The following BCL2L13 variants were observed in gnomAD, a reference collection of about 807,000 sequenced individuals.
BCL2L13 encodes BCL2 like 13.
Under a neutral mutation model 25.8 loss-of-function variants are expected in BCL2L13, and 13 were observed. That is an observed-to-expected ratio of 0.50 (90% CI 0.33 to 0.80). BCL2L13 has a LOEUF of 0.80. Among genes scored for constraint, BCL2L13 ranks in the 30% least tolerant of loss-of-function variants. BCL2L13 has a pLI of 0.02. For missense variants in BCL2L13, 504 were observed against 574.9 expected (o/e 0.88, Z 1.26); for synonymous variants, 244 against 230.3 (o/e 1.06, Z -0.54).
intron 2 of BCL2L13, among the ~76,000 whole-genome samples, chr22:17,673,225 C>T: frequency 6.6e-6 from 1 of 152,082 alleles, no homozygotes; most frequent in Non-Finnish European, 1.5e-5. Flanking sequence ...AGGTCTTATT[C>T]TTTCCATTCC....
intron 6 of BCL2L13, among the ~76,000 whole-genome samples, chr22:17,711,972 G>A (rs1016325157): frequency 6.6e-6 from 1 of 151,646 alleles, no homozygotes; most frequent in East Asian, 1.9e-4. Context: ...TATGTTCCTT[G>A]TCTCCAGGTA....
intron 1 of BCL2L13, among the ~76,000 whole-genome samples, chr22:17,646,108 C>A (rs1023171873): frequency 6.6e-6 from 1 of 151,430 alleles, no homozygotes; most frequent in Non-Finnish European, 1.5e-5. Flanking sequence ...ATCCTGGAAC[C>A]AATCCCACAT....
At chr22:17,667,372 T>C (rs891415074) in intron 2 of BCL2L13, among the ~76,000 whole-genome samples, 1 of 152,048 alleles carries the variant, frequency 6.6e-6, no homozygotes, top group African/African-American at 2.4e-5. Flanking sequence ...GGTTTCGCCA[T>C]GTTGGTCAGG....
intron 2 of BCL2L13, among the ~76,000 whole-genome samples, chr22:17,658,839 ACAAGGTCAGAAGTT>A (rs889477795): frequency 6.6e-6 from 1 of 151,146 alleles, no homozygotes; most frequent in Non-Finnish European, 1.5e-5. Context: ...CAGTTCACTC[ACAAGGTCAGAAGTT>A]CAAGACCAGC....
chr22:17,628,974 T>G (rs1016279039), exon 1 of BCL2L13: 13 of 392,852 alleles, frequency 3.3e-5, no homozygotes, highest in African/African-American at 1.8e-4. Context: ...CTATCTGAAA[T>G]TAGTCGGGCT....
chr22:17,663,435 A>G (rs1472094368), intron 2 of BCL2L13, among the ~76,000 whole-genome samples: 3 of 152,194 alleles, frequency 2.0e-5, no homozygotes, highest in Non-Finnish European at 4.4e-5. Context: ...CAAAATGACT[A>G]AAAGGTCATA....
At chr22:17,691,732 C>G (rs995362037) in intron 4 of BCL2L13, among the ~76,000 whole-genome samples, 1 of 152,102 alleles carries the variant, frequency 6.6e-6, no homozygotes, top group African/African-American at 2.4e-5. Context: ...TTTCAGTTCT[C>G]CATGTGTTAA....
intron 6 of BCL2L13, chr22:17,706,743 C>A (rs755278199): frequency 1.5e-6 from 2 of 1,351,948 alleles, no homozygotes; most frequent in Non-Finnish European, 2.0e-6. Context: ...CCTCCCTCCT[C>A]ATTCTCTTTT....
chr22:17,715,626 T>TA (rs1362037844), intron 6 of BCL2L13, among the ~76,000 whole-genome samples: 1 of 152,022 alleles, frequency 6.6e-6, no homozygotes. Context: ...TCCAGGAGCT[T>TA]AGAGTTATAA....
At chr22:17,709,071 T>TA (rs1333833778) in intron 6 of BCL2L13, among the ~76,000 whole-genome samples, 1 of 151,178 alleles carries the variant, frequency 6.6e-6, no homozygotes, top group Non-Finnish European at 1.5e-5. Flanking sequence ...CCGTCTCTAC[T>TA]AAAAAATACA....
At chr22:17,705,967 A>G (rs570353260) in intron 6 of BCL2L13, among the ~76,000 whole-genome samples, 2 of 152,334 alleles carry the variant, frequency 1.3e-5, no homozygotes, top group East Asian at 1.9e-4. Context: ...CTTTGGACAT[A>G]TAGATTTGAA....
At chr22:17,681,450 G>A (rs550072615) in intron 2 of BCL2L13, among the ~76,000 whole-genome samples, 29 of 151,824 alleles carry the variant, frequency 1.9e-4, no homozygotes, top group African/African-American at 5.8e-4. Context: ...AGTGAGCAGA[G>A]CTTGCGCCAC....
At chr22:17,720,070 T>G (rs1303210094) in intron 6 of BCL2L13, among the ~76,000 whole-genome samples, 1 of 151,978 alleles carries the variant, frequency 6.6e-6, no homozygotes, top group Non-Finnish European at 1.5e-5. Flanking sequence ...TGATGGAAAT[T>G]TTCTGGCAAT....
At chr22:17,697,268 G>A (rs1169770831) in intron 5 of BCL2L13, among the ~76,000 whole-genome samples, 2 of 152,024 alleles carry the variant, frequency 1.3e-5, no homozygotes, top group African/African-American at 2.4e-5. Flanking sequence ...GAGAATCGCC[G>A]TCTCTACTAA....
rs933526163 is a variant in BCL2L13 at position 17,727,104 on chromosome 22, C to T, written c.1028C>T (p.Ala343Val). The change falls in exon 7 of 7, where the codon GCT (alanine) becomes GTT (valine). Residue 343 changes from alanine to valine, a missense_variant. Physicochemically the swap from Ala to Val is moderately conservative, Grantham distance 64. Transcript: ENST00000317582. ...CAAGAGGCACTTCCTGAAGCCCCAG[C>T]TCCCTTGCTTCCACATATCACTGCC... The part of the protein sequence containing the change: ...ELQEALPEAP[A>V]PLLPHITATS... 6.2e-7 allele frequency: 1 copy of T among 1,614,242 alleles called. No individual in the cohort carries two copies. The highest frequency in any genetic ancestry group is 1.3e-5 in the African/African-American group (1 of 75,062).
At chr22:17,703,358 A>G (rs985565288) in intron 6 of BCL2L13, 5 of 152,180 alleles carry the variant, frequency 3.3e-5, no homozygotes, top group Non-Finnish European at 7.3e-5. Flanking sequence ...ATTATTTACT[A>G]AGAGAGACAT....
intron 1 of BCL2L13, among the ~76,000 whole-genome samples, chr22:17,639,304 C>A (rs538839290): frequency 6.6e-6 from 1 of 152,344 alleles, no homozygotes; most frequent in East Asian, 1.9e-4. Context: ...GGAAGATTAG[C>A]TTTGCCAGTC....
intron 4 of BCL2L13, among the ~76,000 whole-genome samples, chr22:17,689,751 G>A (rs866478723): frequency 6.7e-6 from 1 of 150,372 alleles, no homozygotes; most frequent in Non-Finnish European, 1.5e-5. Context: ...ACTGAGGGAG[G>A]ACAATCACTT....
chr22:17,656,195 G>A (rs937448120), intron 2 of BCL2L13, among the ~76,000 whole-genome samples: 3 of 147,506 alleles, frequency 2.0e-5, no homozygotes, highest in African/African-American at 7.5e-5. Context: ...AGCTGAGATC[G>A]CACCACTGCG....
Sources: allele counts gnomAD v4.1 joint callset (sites outside exome capture counted in the v4.1 genomes callset), GRCh38; gene constraint gnomAD v4.1.1; transcripts MANE v1.5; gene names NCBI Gene and HGNC (gene_info 2026-07-23, HGNC 2026-07-21).